Variants in MAP1B observed in about 807,000 individuals in gnomAD.
The protein encoded by MAP1B is microtubule-associated protein 1B.
In MAP1B, 12 loss-of-function variants were observed where a neutral mutation model predicts 176.1. The observed-to-expected ratio is 0.07, with a 90% CI of 0.04 to 0.11. The LOEUF (loss-of-function observed/expected upper bound fraction) is 0.11. MAP1B is among the 10% of genes least tolerant of loss of function. The probability of loss-of-function intolerance (pLI) is 1.00; values close to 1 mark genes in which losing one functional copy is unlikely to be tolerated. For synonymous variants in MAP1B, 1,044 were observed against 1,135.0 expected (o/e 0.92, Z 1.61); for missense variants, 2,523 against 2,990.5 (o/e 0.84, Z 3.65).
At position 72,200,347 on chromosome 5, in the gene MAP1B, C is replaced by T. The variant is rs563778005; in HGVS notation, c.6992C>T (p.Ser2331Leu). The change falls in exon 5 of 7, where the codon TCG becomes TTG. Residue 2331 changes from serine to leucine, a missense_variant. By Grantham distance (145) the Ser-to-Leu change is moderately radical. Around this residue, in one of 4 missense-constraint regions of MAP1B, gnomAD observed 287 missense variants for 401.5 expected, o/e 0.71. Transcript: ENST00000296755. ...GCTGCCAATGCCTCTGCATCCAAGT[C>T]GGCCAAGACCGCCACTGCAGGTAGG... ...KNAANASASK[S>L]AKTATAGPGT... The T allele has an allele frequency of 1.1e-5, 18 of 1,612,774 alleles. No homozygotes were observed. The highest frequency in any genetic ancestry group is 4.4e-5 in the South Asian group (4 of 90,960).
chr5:72,200,418 C>T (rs370588906), intron 5 of MAP1B, 51 bp downstream of exon 5: 399 of 1,568,062 alleles, frequency 2.5e-4, no homozygotes, highest in Non-Finnish European at 3.3e-4. Context: ...ATTCTACTTG[C>T]GTTTACAGCC....
intron 2 of MAP1B, among the ~76,000 whole-genome samples, chr5:72,147,227 CCAA>C (rs1404405483): frequency 2.0e-5 from 3 of 152,066 alleles, no homozygotes; most frequent in Non-Finnish European, 4.4e-5. Context: ...CCTCGGCCTC[CCAA>C]AGTGCTGGGA....
chr5:72,151,289 G>A (rs936974553), intron 2 of MAP1B, among the ~76,000 whole-genome samples: 5 of 152,114 alleles, frequency 3.3e-5, no homozygotes, highest in African/African-American at 9.7e-5. Flanking sequence ...ACAGCACCAA[G>A]CCATTCATGA....
intron 2 of MAP1B, among the ~76,000 whole-genome samples, chr5:72,129,406 A>T (rs1745686486): frequency 6.6e-6 from 1 of 152,046 alleles, no homozygotes; most frequent in East Asian, 1.9e-4. Context: ...AAATAGAAAA[A>T]ATTAGCCAGG....
At chr5:72,151,760 C>T (rs1746144451) in intron 2 of MAP1B, among the ~76,000 whole-genome samples, 1 of 152,194 alleles carries the variant, frequency 6.6e-6, no homozygotes, top group Non-Finnish European at 1.5e-5. Context: ...GGGCCAGCCT[C>T]TCTCTCTGTG....
rs1348276814 is a variant in MAP1B at position 72,186,888 on chromosome 5, A to G, written c.510+134A>G. Reference sequence around the variant, plus strand: ...CTCCTGAAATAAGCAAAACTGCATGATCCAAAATACTTTATTTCTATGGCT... The same window carrying G: ...CTCCTGAAATAAGCAAAACTGCATGGTCCAAAATACTTTATTTCTATGGCT... On this transcript the variant is annotated intron_variant, in intron 4 of 6. Transcript: ENST00000296755. This position sits in a 1 kb window ranked among gnomAD's most constrained non-coding sequence, Gnocchi z 4.3. 4.1e-6 allele frequency: 4 copies of G among 973,262 alleles called. No individual in the cohort carries two copies. Among genetic ancestry groups the G allele is most frequent in the Non-Finnish European group, 4.6e-6 (3 of 650,114 alleles). 60.3% of individuals were successfully genotyped at this position (973,262 alleles called of 1,614,324 possible).
At chr5:72,132,022 A>G (rs1452398168) in intron 2 of MAP1B, among the ~76,000 whole-genome samples, 2 of 152,216 alleles carry the variant, frequency 1.3e-5, no homozygotes, top group Non-Finnish European at 2.9e-5. Flanking sequence ...GCATATAAAG[A>G]TACTTCTATT....
In MAP1B at chr5:72,199,884, A is replaced by C; in HGVS notation, c.6529A>C (p.Asn2177His). 4 of 1,614,194 alleles carry C rather than the reference A, an allele frequency of 2.5e-6. No homozygotes were observed. The South Asian group carries it at 4.4e-5, about 18-fold the overall frequency. ...EECPSITADA[N>H]IDSEDESETI... ...GTGCCCCTCCATCACGGCCGATGCC[A>C]ATATCGACTCTGAAGACGAGTCGGA... Residue 2177 changes from asparagine (N) to histidine (H), a missense_variant, in exon 5 of 7, where the codon AAT (asparagine) becomes CAT (histidine). Transcript: ENST00000296755. The surrounding 1 kb of genome is among the most constrained non-coding windows in gnomAD (Gnocchi z 4.2).
chr5:72,155,693 T>C (rs6453479), intron 2 of MAP1B, among the ~76,000 whole-genome samples: 131,435 of 151,820 alleles, frequency 0.87, 56,984 homozygotes, highest in South Asian at 0.96. Flanking sequence ...CAGTTTCCTC[T>C]CTAGTCTTGA....
chr5:72,125,079 G>A lies in MAP1B; in HGVS notation c.286+9280G>A, dbSNP rs577706484. Reference sequence around the variant, plus strand: ...ACCTCTCACTTGGAAGTTTTGATGTGTGAAAGATGTGAAAACTGCCTAAGA... The same window carrying A: ...ACCTCTCACTTGGAAGTTTTGATGTATGAAAGATGTGAAAACTGCCTAAGA... On this transcript the variant is annotated intron_variant, in intron 2 of 6. Transcript: ENST00000296755. Among the ~76,000 whole-genome samples, 4 of 152,350 alleles carry A rather than the reference G, an allele frequency of 2.6e-5. No homozygotes were observed. In the South Asian group the frequency reaches 8.3e-4, roughly 32 times the overall value.
At chr5:72,174,829 G>A (rs1746617208) in intron 2 of MAP1B, among the ~76,000 whole-genome samples, 1 of 152,158 alleles carries the variant, frequency 6.6e-6, no homozygotes, top group African/African-American at 2.4e-5. Context: ...CTTTGGAAAT[G>A]GTGAAGCAAA....
chr5:72,185,638 T>C (rs1243079749), intron 3 of MAP1B, among the ~76,000 whole-genome samples: 1 of 150,054 alleles, frequency 6.7e-6, no homozygotes, highest in African/African-American at 2.5e-5. Flanking sequence ...GGAAAATTAA[T>C]ATATGTCCAG....
chr5:72,183,926 C>G, intron 3 of MAP1B, 101 bp downstream of exon 3: 1 of 998,408 alleles, frequency 1.0e-6, no homozygotes, highest in Non-Finnish European at 1.5e-6. Context: ...GAGAGGGACA[C>G]AACAGAGAGA....
chr5:72,209,369 T>C lies in MAP1B; in HGVS notation c.*4130T>C, dbSNP rs1305754542. 6.6e-6 allele frequency: 1 copy of C among 152,222 alleles called. No individual in the cohort carries two copies. The highest frequency in any genetic ancestry group is 1.9e-4 in the East Asian group (1 of 5,188). The allele number at this position is 152,222 out of a possible 1,614,324, so 9.4% of individuals were successfully genotyped here. A position where few individuals can be genotyped will look rare whatever the true frequency, so the allele number is the denominator to read the frequency against. ...GTGTTTGTGTCAGTCTGCAGCTGTG[T>C]ATGGTATTATGTCTTATAATCCTGC... On this transcript the variant is annotated 3_prime_UTR_variant, in exon 7 of 7. Transcript: ENST00000296755.
chr5:72,175,107 C>T lies in MAP1B; in HGVS notation c.287-8636C>T, dbSNP rs544768524. Among the ~76,000 whole-genome samples, 44 of 149,918 alleles carry T rather than the reference C, an allele frequency of 2.9e-4. 2 individuals are homozygous for T. The highest frequency in any genetic ancestry group is 1.0e-3 in the African/African-American group (42 of 40,604). ...TTTGACAGGATTTCACTCTGTTGCC[C>T]AGGCTGGAGTGCAGTGGTGTGATCT... On this transcript the variant is annotated intron_variant, in intron 2 of 6. Transcript: ENST00000296755.
At chr5:72,130,322 G>C (rs1349808187) in intron 2 of MAP1B, among the ~76,000 whole-genome samples, 1 of 152,084 alleles carries the variant, frequency 6.6e-6, no homozygotes, top group Non-Finnish European at 1.5e-5. Flanking sequence ...AAGAAAAAAG[G>C]AATGCAATTA....
intron 2 of MAP1B, among the ~76,000 whole-genome samples, chr5:72,159,537 T>A (rs557137631): frequency 6.6e-6 from 1 of 152,236 alleles, no homozygotes; most frequent in Non-Finnish European, 1.5e-5. Context: ...GCTGTGTATG[T>A]ACAAATATCT....
At position 72,197,005 on chromosome 5, in the gene MAP1B, A is replaced by G; in HGVS notation, c.3650A>G (p.Lys1217Arg). The change falls in exon 5 of 7, where the codon AAA becomes AGA. Residue 1217 changes from lysine (K) to arginine (R), a missense_variant. By Grantham distance (26) the Lys-to-Arg change is conservative (BLOSUM62 2). This residue lies in a region of MAP1B where 1,925 missense variants were observed against 2,126.0 expected (regional missense o/e 0.91). Transcript: ENST00000296755. ...ISPPSSMEED[K>R]FSRSALRDAY... is the part of the protein sequence containing the mutation. ...CCACCCTCTTCCATGGAGGAAGACA[A>G]ATTCAGCAGATCTGCTTTACGTGAT... is the stretch of plus-strand genomic sequence containing the variant. The G allele has an allele frequency of 2.5e-6, 4 of 1,614,200 alleles. No homozygotes were observed. Among genetic ancestry groups the G allele is most frequent in the Middle Eastern group, 1.6e-4 (1 of 6,062 alleles).
chr5:72,173,871 T>C (rs1407713580), intron 2 of MAP1B, among the ~76,000 whole-genome samples: 1 of 152,216 alleles, frequency 6.6e-6, no homozygotes, highest in East Asian at 1.9e-4. Flanking sequence ...GCTCAAGCTG[T>C]AATCACAGTA....
Sources: allele counts gnomAD v4.1 joint callset (sites outside exome capture counted in the v4.1 genomes callset), GRCh38; gene constraint gnomAD v4.1.1; regional missense constraint gnomAD v4.1.1; non-coding constraint Gnocchi (gnomAD v3.1); transcripts MANE v1.5; gene names NCBI Gene and HGNC (gene_info 2026-07-23, HGNC 2026-07-21).